Variants in PTPRN2 observed in about 807,000 individuals in gnomAD.
The protein encoded by PTPRN2 is protein tyrosine phosphatase receptor type N2.
In PTPRN2, 74 loss-of-function variants were observed where a neutral mutation model predicts 118.8. The observed-to-expected ratio is 0.62, with a 90% confidence interval of 0.52 to 0.76. The LOEUF is 0.76. Among genes scored for constraint, PTPRN2 ranks in the 30% least tolerant of loss-of-function variants. The pLI is 0.00. For synonymous variants in PTPRN2, 641 were observed against 608.0 expected, an observed-to-expected ratio of 1.05 and a Z score of -0.80; for missense variants, 1,481 against 1,394.4, an observed-to-expected ratio of 1.06 and a Z score of -0.99.
rs186001057 is a variant in PTPRN2, at chr7:157,583,126, A to G, written c.2497-4986T>C. On this transcript the variant is annotated intron_variant, in intron 17 of 22. Coordinates refer to ENST00000389418, the MANE Select transcript of PTPRN2 (RefSeq NM_002847.5). The surrounding 1 kb of genome is among the most constrained non-coding windows in gnomAD (Gnocchi z 5.5). ...GAAAATGTGGTATATACACAATGAA[A>G]TATTATTCAGCCTTAAGAAAGAATG... Among the ~76,000 whole-genome samples the G allele has an allele frequency of 1.4e-4, 21 of 152,302 alleles. No individual in the cohort carries two copies. The highest frequency in any genetic ancestry group is 5.1e-4 in the African/African-American group (21 of 41,578).
chr7:158,042,857 C>A (rs1158409880), intron 11 of PTPRN2, among the ~76,000 whole-genome samples: 1 of 152,220 alleles, frequency 6.6e-6, no homozygotes, highest in Non-Finnish European at 1.5e-5. Flanking sequence ...GTTTTATGAA[C>A]TGCCTCTGAA....
intron 11 of PTPRN2, among the ~76,000 whole-genome samples, chr7:157,904,908 A>G (rs1274119252): frequency 1.3e-5 from 2 of 152,054 alleles, no homozygotes; most frequent in East Asian, 1.9e-4. Flanking sequence ...AAATATGCCT[A>G]AAAGGAAAAA....
chr7:158,097,179 G>A (rs1318966274), intron 10 of PTPRN2, among the ~76,000 whole-genome samples: 2 of 134,238 alleles, frequency 1.5e-5, no homozygotes, highest in Non-Finnish European at 1.6e-5. Flanking sequence ...CTTTCCAGAA[G>A]TTTCCCGGCA....
In PTPRN2 at chr7:158,395,723, G is replaced by A. The variant is rs2151389321; in HGVS notation, c.164-78791C>T. Among the ~76,000 whole-genome samples the A allele has an allele frequency of 7.5e-5, 7 of 92,784 alleles. 1 individual carries two copies. The highest frequency in any genetic ancestry group is 3.2e-4 in the African/African-American group (7 of 21,900). The allele number at this position is 92,784 out of a possible 152,430, so 60.9% of individuals were successfully genotyped here. On this transcript the variant is annotated intron_variant, in intron 2 of 22. Coordinates refer to ENST00000389418, the MANE Select transcript of PTPRN2 (RefSeq NM_002847.5). ...AGGGGCGAGGGGCGAGGGGCGAGGC[G>A]CGAGGGGAGAGGGGAGAGGGGCGAG...
At chr7:157,749,231 G>A (rs1364010002) in intron 12 of PTPRN2, among the ~76,000 whole-genome samples, 1 of 126,062 alleles carries the variant, frequency 7.9e-6, no homozygotes, top group Non-Finnish European at 1.6e-5. Flanking sequence ...CTGAGCTGTG[G>A]GCTGTTGAGG....
intron 11 of PTPRN2, among the ~76,000 whole-genome samples, chr7:158,009,878 ACT>A (rs1196230051): frequency 5.9e-5 from 9 of 152,122 alleles, no homozygotes; most frequent in African/African-American, 1.9e-4. Flanking sequence ...GGATTTCCAC[ACT>A]CATCATCACT....
At chr7:157,909,358 C>G (rs760596993) in intron 11 of PTPRN2, among the ~76,000 whole-genome samples, 3 of 152,244 alleles carry the variant, frequency 2.0e-5, no homozygotes, top group African/African-American at 7.2e-5. Context: ...GGCCCCTCGA[C>G]AGCTGGACAG....
At position 157,897,492 on chromosome 7, in the gene PTPRN2, C is replaced by A. The variant is rs1031716350; in HGVS notation, c.1788+1181G>T. Among the ~76,000 whole-genome samples, 19 of 152,300 alleles carry A rather than the reference C, an allele frequency of 1.2e-4. No homozygotes were observed. In the South Asian group the frequency reaches 3.7e-3, roughly 30 times the overall value. ...CCAGCTGCCCAACACCTCATTCATC[C>A]GGCACGAGCCAGGAAGGCATCGAGA... On this transcript the variant is annotated intron_variant, in intron 12 of 22. Coordinates refer to ENST00000389418, the MANE Select transcript of PTPRN2 (RefSeq NM_002847.5).
chr7:157,716,530 G>A (rs1300984710), intron 12 of PTPRN2, among the ~76,000 whole-genome samples: 3 of 71,206 alleles, frequency 4.2e-5, no homozygotes, highest in Admixed American at 1.2e-4. Context: ...AGACTCTGCA[G>A]GAACACTGCC....
chr7:158,120,365 C>T (rs1817059798), intron 9 of PTPRN2, among the ~76,000 whole-genome samples: 1 of 152,140 alleles, frequency 6.6e-6, no homozygotes, highest in East Asian at 1.9e-4. Flanking sequence ...TAATAAAATA[C>T]AAGAAATTGG....
chr7:158,071,557 TG>T (rs1481857418), intron 11 of PTPRN2, among the ~76,000 whole-genome samples: 12 of 26,202 alleles, frequency 4.6e-4, no homozygotes, highest in Admixed American at 1.0e-3. Flanking sequence ...CTCCTGGTGG[TG>T]GAGGTGCTCC....
At chr7:158,520,452 T>C (rs966243583) in intron 1 of PTPRN2, among the ~76,000 whole-genome samples, 1 of 152,238 alleles carries the variant, frequency 6.6e-6, no homozygotes, top group Non-Finnish European at 1.5e-5. Context: ...TGCCCTTCGG[T>C]AGACAGTTTC....
rs902038687 is a variant in PTPRN2, at chr7:157,550,815, G to A, written c.2903-1796C>T. On this transcript the variant is annotated intron_variant, in intron 21 of 22. Transcript: ENST00000389418. The surrounding 1 kb of genome is among the most constrained non-coding windows in gnomAD (Gnocchi z 5.2). Reference sequence around the variant, plus strand: ...CTGGCAGCTCACGCGGGTGGAAGGCGGGGTCAGGTGCACGGGTTTGCTTAA... The same window carrying A: ...CTGGCAGCTCACGCGGGTGGAAGGCAGGGTCAGGTGCACGGGTTTGCTTAA... Among the ~76,000 whole-genome samples, 4 of 152,236 alleles carry A rather than the reference G, an allele frequency of 2.6e-5. No individual in the cohort carries two copies. Among genetic ancestry groups the A allele is most frequent in the Admixed American group, 6.5e-5 (1 of 15,292 alleles).
intron 12 of PTPRN2, among the ~76,000 whole-genome samples, chr7:157,759,203 G>A (rs967084174): frequency 1.3e-5 from 2 of 152,258 alleles, no homozygotes; most frequent in Non-Finnish European, 2.9e-5. Flanking sequence ...GTGGGCGCAG[G>A]CGGTCGGCAT....
intron 10 of PTPRN2, among the ~76,000 whole-genome samples, chr7:158,087,416 T>G (rs1041250202): frequency 6.6e-6 from 1 of 152,212 alleles, no homozygotes; most frequent in Non-Finnish European, 1.5e-5. Flanking sequence ...ACATCTATGG[T>G]AAGAAGCGTC....
chr7:157,995,602 G>C (rs762746010), intron 11 of PTPRN2, among the ~76,000 whole-genome samples: 53 of 152,262 alleles, frequency 3.5e-4, no homozygotes, highest in Non-Finnish European at 3.4e-4. Context: ...AGAGTAGGAT[G>C]GGGCCTTTCA....
In PTPRN2 at chr7:158,177,501, A is replaced by C. The variant is rs367761037; in HGVS notation, c.550-10210T>G. On this transcript the variant is annotated intron_variant, in intron 5 of 22. Coordinates refer to ENST00000389418, the MANE Select transcript of PTPRN2 (RefSeq NM_002847.5). Reference sequence around the variant, plus strand: ...AGGCATGACAATGAACACGTCCGTCACCCTGAATACATTCCGGTGCCCCTG... The same window carrying C: ...AGGCATGACAATGAACACGTCCGTCCCCCTGAATACATTCCGGTGCCCCTG... Among the ~76,000 whole-genome samples, 61 of 152,278 alleles carry C rather than the reference A, an allele frequency of 4.0e-4. No homozygotes were observed. In the South Asian group the frequency reaches 0.012, roughly 31 times the overall value.
chr7:158,145,478 G>C (rs1276294575), intron 6 of PTPRN2, among the ~76,000 whole-genome samples: 1 of 152,246 alleles, frequency 6.6e-6, no homozygotes, highest in Non-Finnish European at 1.5e-5. Context: ...TGGGAATGTA[G>C]AGTTTGGGGA....
intron 11 of PTPRN2, among the ~76,000 whole-genome samples, chr7:158,021,485 C>T (rs765540464): frequency 2.0e-5 from 3 of 152,120 alleles, no homozygotes; most frequent in Non-Finnish European, 4.4e-5. Flanking sequence ...CACACGCACA[C>T]ACACAGAGGA....
Sources: gnomAD v4.1 joint callset for allele counts (sites outside exome capture counted in the v4.1 genomes callset) on GRCh38, gnomAD v4.1.1 for gene constraint, Gnocchi (gnomAD v3.1) non-coding constraint, MANE v1.5 for transcripts, NCBI Gene and HGNC (gene_info 2026-07-23, HGNC 2026-07-21) for gene names.